Variants in PIK3C2G observed in about 807,000 individuals in gnomAD.
PIK3C2G encodes the protein phosphatidylinositol-4-phosphate 3-kinase catalytic subunit type 2 gamma.
PIK3C2G carries 168 observed loss-of-function variants against 181.1 expected under a neutral mutation model. That is an observed-to-expected ratio of 0.93 (90% CI 0.82 to 1.05). The LOEUF (loss-of-function observed/expected upper bound fraction) is 1.05, where lower values mean the gene tolerates loss of function less well. Among genes scored for constraint, PIK3C2G ranks in the 50% least tolerant of loss-of-function variants. The pLI is 0.00. For missense variants in PIK3C2G, 1,869 were observed against 1,732.8 expected, an observed-to-expected ratio of 1.08 and a Z score of -1.40; for synonymous variants, 573 against 592.2, an observed-to-expected ratio of 0.97 and a Z score of 0.47.
chr12:18,612,852 A>G (rs1948412518), intron 31 of PIK3C2G, among the ~76,000 whole-genome samples: 1 of 152,124 alleles, frequency 6.6e-6, no homozygotes, highest in African/African-American at 2.4e-5. Flanking sequence ...TATTAAATCT[A>G]TGAAGCTTTG....
At chr12:18,705,294 G>C in the PIK3C2G span, 1 of 1,614,036 alleles carries the variant, frequency 6.2e-7, no homozygotes, top group Non-Finnish European at 8.5e-7. Context: ...TCTAAAGAGA[G>C]CACCACTGGG....
intron 17 of PIK3C2G, among the ~76,000 whole-genome samples, chr12:18,423,356 A>C (rs1173262769): frequency 6.6e-6 from 1 of 152,072 alleles, no homozygotes; most frequent in African/African-American, 2.4e-5. Context: ...GAAGCCCTAA[A>C]TTAGGTCCCT....
At chr12:18,549,176 G>T (rs764029562) in intron 26 of PIK3C2G, among the ~76,000 whole-genome samples, 1 of 151,856 alleles carries the variant, frequency 6.6e-6, no homozygotes, top group African/African-American at 2.4e-5. Flanking sequence ...CGAACATGCC[G>T]TCTTTTGTGC....
At chr12:18,692,881 A>G in the PIK3C2G span, 1 of 1,603,128 alleles carries the variant, frequency 6.2e-7, no homozygotes, top group Non-Finnish European at 8.5e-7. Flanking sequence ...ACAGTGGGGA[A>G]AAAGAAGAAG....
chr12:18,607,805 C>G (rs1948114657), intron 30 of PIK3C2G, among the ~76,000 whole-genome samples: 1 of 152,076 alleles, frequency 6.6e-6, no homozygotes, highest in Non-Finnish European at 1.5e-5. Flanking sequence ...ACTCATCTGA[C>G]AAAGGGCTAG....
At chr12:18,615,074 C>T (rs527638492) in intron 31 of PIK3C2G, among the ~76,000 whole-genome samples, 10 of 152,154 alleles carry the variant, frequency 6.6e-5, no homozygotes, top group Non-Finnish European at 1.5e-4. Context: ...GTCACCCAAG[C>T]AGTGTACACT....
chr12:18,596,704 T>C (rs1020412901), intron 30 of PIK3C2G, among the ~76,000 whole-genome samples: 1 of 152,132 alleles, frequency 6.6e-6, no homozygotes, highest in Non-Finnish European at 1.5e-5. Flanking sequence ...CATTACCTCG[T>C]ATCACTACCT....
chr12:18,366,533 A>AAAATAAAT (rs1360932847), intron 12 of PIK3C2G, among the ~76,000 whole-genome samples: 3 of 152,198 alleles, frequency 2.0e-5, no homozygotes, highest in Non-Finnish European at 2.9e-5. Context: ...CTGTCTCAAA[A>AAAATAAAT]AAATAAATAA....
At chr12:18,521,404 C>T (rs189264696) in intron 24 of PIK3C2G, among the ~76,000 whole-genome samples, 11 of 152,334 alleles carry the variant, frequency 7.2e-5, no homozygotes, top group African/African-American at 2.6e-4. Context: ...CTCTTAGGGG[C>T]TCAGGCCCAG....
chr12:18,551,044 G>A (rs931545179), intron 26 of PIK3C2G, among the ~76,000 whole-genome samples: 7 of 152,046 alleles, frequency 4.6e-5, no homozygotes, highest in Admixed American at 4.6e-4. Context: ...AGGCGATGCT[G>A]CATACTGTGT....
At chr12:18,543,604 A>G (rs929094479) in intron 25 of PIK3C2G, among the ~76,000 whole-genome samples, 6 of 151,994 alleles carry the variant, frequency 3.9e-5, no homozygotes, top group African/African-American at 9.7e-5. Context: ...AATCTTCTGC[A>G]TATGGCTAGC....
chr12:18,563,263 A>T, intron 27 of PIK3C2G, 114 bp from the exon 28 acceptor site: 1 of 909,720 alleles, frequency 1.1e-6, no homozygotes, highest in Non-Finnish European at 1.6e-6. Flanking sequence ...AGCTTTTATG[A>T]TAATGTTTTG....
At chr12:18,455,002 T>C (rs1001142666) in intron 18 of PIK3C2G, among the ~76,000 whole-genome samples, 1 of 152,174 alleles carries the variant, frequency 6.6e-6, no homozygotes, top group Non-Finnish European at 1.5e-5. Flanking sequence ...CAACCTGGGA[T>C]CTACCCTCAT....
At chr12:18,704,795 C>T in the PIK3C2G span, among the ~76,000 whole-genome samples, 5 of 152,056 alleles carry the variant, frequency 3.3e-5, no homozygotes, top group Admixed American at 6.6e-5. Context: ...GAACTTGCTA[C>T]CCAGCTGTTG....
At chr12:18,565,005 A>AT (rs1238393708) in intron 28 of PIK3C2G, among the ~76,000 whole-genome samples, 1 of 152,164 alleles carries the variant, frequency 6.6e-6, no homozygotes, top group Non-Finnish European at 1.5e-5. Context: ...TGCTTTGCTC[A>AT]TTACTGCTGC....
chr12:18,444,396 G>A (rs560938543), intron 18 of PIK3C2G, among the ~76,000 whole-genome samples: 283 of 152,146 alleles, frequency 1.9e-3, no homozygotes, highest in Non-Finnish European at 3.1e-3. Flanking sequence ...TGCATCTTAC[G>A]AATTCTCACA....
chr12:18,586,710 A>C (rs1946801272), intron 29 of PIK3C2G, among the ~76,000 whole-genome samples: 1 of 152,144 alleles, frequency 6.6e-6, no homozygotes. Flanking sequence ...TCCCCAGTTC[A>C]TTCCATGAGG....
chr12:18,723,396 T>C, the PIK3C2G span: 22 of 1,612,936 alleles, frequency 1.4e-5, no homozygotes, highest in South Asian at 2.2e-5. Context: ...GTGTCAGAAA[T>C]TGAGCCAGAT....
the PIK3C2G span, among the ~76,000 whole-genome samples, chr12:18,676,215 T>A: frequency 6.6e-6 from 1 of 152,136 alleles, no homozygotes; most frequent in Admixed American, 6.6e-5. Flanking sequence ...CAGGTCCTAA[T>A]CATGTTGTTT....
Sources: gnomAD v4.1 joint callset for allele counts (sites outside exome capture counted in the v4.1 genomes callset) on GRCh38, gnomAD v4.1.1 for gene constraint, MANE v1.5 for transcripts, NCBI Gene and HGNC (gene_info 2026-07-23, HGNC 2026-07-21) for gene names.